The following DMD variants were observed in gnomAD, a reference collection of about 807,000 sequenced individuals.
The protein encoded by DMD is mutant dystrophin.
DMD carries 63 observed loss-of-function variants against 330.1 expected under a neutral mutation model. That is an observed-to-expected ratio of 0.19 (90% CI 0.16 to 0.24). The LOEUF (loss-of-function observed/expected upper bound fraction) is 0.24, where lower values mean the gene tolerates loss of function less well. Among genes scored for constraint, DMD ranks in the 10% least tolerant of loss-of-function variants. The pLI is 1.00. For synonymous variants in DMD, 1,223 were observed against 959.8 expected, an observed-to-expected ratio of 1.27 and a Z score of -5.07; for missense variants, 3,344 against 2,684.1, an observed-to-expected ratio of 1.25 and a Z score of -5.43.
chrX:32,454,652 T>TC lies in DMD; in HGVS notation c.3603+9_3603+10insG. The TC allele has an allele frequency of 8.6e-7, 1 of 1,156,534 alleles. No homozygotes were observed. Among genetic ancestry groups the TC allele is most frequent in the Non-Finnish European group, 1.2e-6 (1 of 864,749 alleles). ...TTTGTTTTACTTAGTTTTTCTTTTT[T>TC]TTTTTTTACCTTCATCTCTTCAACT... is the stretch of plus-strand genomic sequence containing the variant. On this transcript the variant is annotated intron_variant, in intron 26 of 78. Coordinates refer to ENST00000357033, the MANE Select transcript of DMD (RefSeq NM_004006.3).
intron 45 of DMD, among the ~76,000 whole-genome samples, chrX:31,955,561 A>C (rs914502149): frequency 1.8e-5 from 2 of 112,345 alleles, no homozygotes; most frequent in Non-Finnish European, 3.8e-5. Flanking sequence ...GAGTCAGGTG[A>C]GATGATGGAC....
chrX:31,389,731 A>G (rs892046887), intron 60 of DMD, among the ~76,000 whole-genome samples: 5 of 112,454 alleles, frequency 4.4e-5, no homozygotes, highest in African/African-American at 1.6e-4. Flanking sequence ...AGGATATTCA[A>G]GAAAATTGAC....
chrX:32,966,775 T>C (rs964654272), intron 2 of DMD, among the ~76,000 whole-genome samples: 3 of 111,489 alleles, frequency 2.7e-5, no homozygotes, highest in Non-Finnish European at 5.6e-5. Flanking sequence ...GTGAGAAAGG[T>C]TCTGGGAGAA....
At chrX:31,467,782 A>C (rs778102034) in intron 59 of DMD, among the ~76,000 whole-genome samples, 1 of 111,536 alleles carries the variant, frequency 9.0e-6, no homozygotes, top group East Asian at 2.8e-4. Context: ...TCAGCTGTGA[A>C]TCCATCTGTT....
intron 4 of DMD, among the ~76,000 whole-genome samples, chrX:32,834,517 C>G (rs1603444035): frequency 2.7e-5 from 3 of 111,737 alleles, no homozygotes; most frequent in Non-Finnish European, 3.8e-5. Context: ...TCAGTGACAT[C>G]TGACAACCAT....
At chrX:31,577,589 T>G (rs2076162843) in intron 55 of DMD, among the ~76,000 whole-genome samples, 1 of 112,259 alleles carries the variant, frequency 8.9e-6, no homozygotes, top group South Asian at 3.7e-4. Flanking sequence ...GAAAGGCAAT[T>G]AATCTAAGGA....
chrX:32,127,619 G>A (rs1443135533), intron 44 of DMD, among the ~76,000 whole-genome samples: 1 of 111,370 alleles, frequency 9.0e-6, no homozygotes, highest in African/African-American at 3.3e-5. Flanking sequence ...ATTTCACGAG[G>A]TATTGAATAA....
intron 2 of DMD, among the ~76,000 whole-genome samples, chrX:32,874,798 A>G (rs1324942722): frequency 9.0e-6 from 1 of 111,682 alleles, no homozygotes; most frequent in Non-Finnish European, 1.9e-5. Flanking sequence ...GATGCCATGC[A>G]TAAAAACTGA....
At chrX:32,239,824 C>T (rs191989103) in intron 43 of DMD, among the ~76,000 whole-genome samples, 50 of 111,625 alleles carry the variant, frequency 4.5e-4, no homozygotes, top group African/African-American at 1.5e-3. Context: ...TTAAATAACC[C>T]TTATCTTTCT....
intron 63 of DMD, among the ~76,000 whole-genome samples, chrX:31,250,946 G>C (rs1416297747): frequency 1.8e-5 from 2 of 110,070 alleles, no homozygotes; most frequent in Non-Finnish European, 3.8e-5. Context: ...GCTGGGTGTG[G>C]TGGTGCACAC....
At chrX:32,749,765 G>A (rs566743919) in intron 7 of DMD, among the ~76,000 whole-genome samples, 39 of 112,029 alleles carry the variant, frequency 3.5e-4, no homozygotes, top group African/African-American at 1.2e-3. Context: ...GCAGAACTAC[G>A]TAAAATTATC....
intron 63 of DMD, among the ~76,000 whole-genome samples, chrX:31,235,662 C>T (rs1357584762): frequency 4.5e-5 from 5 of 112,190 alleles, no homozygotes; most frequent in African/African-American, 1.6e-4. Context: ...ATTGATTTTA[C>T]ATCTAATTTT....
At chrX:33,113,018 C>A (rs1240525279) in intron 1 of DMD, among the ~76,000 whole-genome samples, 1 of 108,141 alleles carries the variant, frequency 9.2e-6, no homozygotes, top group Non-Finnish European at 1.9e-5. Context: ...TGCTGGATAC[C>A]GTCCATTGTA....
chrX:32,650,447 T>G (rs1410078987), intron 9 of DMD, among the ~76,000 whole-genome samples: 1 of 111,684 alleles, frequency 9.0e-6, no homozygotes, highest in Non-Finnish European at 1.9e-5. Context: ...AGTAAAAGAT[T>G]ATTTCCAAGA....
intron 17 of DMD, among the ~76,000 whole-genome samples, chrX:32,535,240 C>A (rs771704825): frequency 1.4e-4 from 16 of 111,504 alleles, no homozygotes; most frequent in African/African-American, 5.2e-4. Flanking sequence ...ACGGCCAGAA[C>A]CCATCTGTGC....
At chrX:32,152,808 C>G (rs1435062543) in intron 44 of DMD, among the ~76,000 whole-genome samples, 2 of 111,605 alleles carry the variant, frequency 1.8e-5, no homozygotes, top group Non-Finnish European at 3.8e-5. Flanking sequence ...TCCAATGACT[C>G]TGGCACGTTT....
intron 47 of DMD, among the ~76,000 whole-genome samples, chrX:31,917,404 T>C (rs1392775088): frequency 8.9e-6 from 1 of 112,267 alleles, no homozygotes; most frequent in Admixed American, 9.5e-5. Flanking sequence ...GCACTTCTAA[T>C]ATTAAACTCA....
intron 44 of DMD, among the ~76,000 whole-genome samples, chrX:32,127,228 T>C: frequency 8.9e-6 from 1 of 111,923 alleles, no homozygotes; most frequent in Middle Eastern, 4.6e-3. Flanking sequence ...AATTTAATGT[T>C]TGTTCTAGCC....
At chrX:32,416,270 G>A (rs2098165709) in intron 29 of DMD, among the ~76,000 whole-genome samples, 1 of 112,061 alleles carries the variant, frequency 8.9e-6, no homozygotes, top group South Asian at 3.7e-4. Context: ...AATACAAAAA[G>A]CAATTTTACT....
Sources: allele counts gnomAD v4.1 joint callset (sites outside exome capture counted in the v4.1 genomes callset), GRCh38; gene constraint gnomAD v4.1.1; transcripts MANE v1.5; gene names NCBI Gene and HGNC (gene_info 2026-07-23, HGNC 2026-07-21).